NKAIN2: variants seen among roughly 807,000 people sequenced by gnomAD.
NKAIN2 encodes the protein sodium/potassium-transporting ATPase subunit beta-1-interacting protein 2.
NKAIN2 carries 14 observed loss-of-function variants against 32.6 expected under a neutral mutation model. The observed-to-expected ratio is 0.43, with a 90% CI of 0.28 to 0.67. NKAIN2 has a LOEUF of 0.67. Ranked by LOEUF, NKAIN2 falls within the 30% of genes least tolerant of loss-of-function variation. NKAIN2 has a pLI of 0.17. For synonymous variants in NKAIN2, 80 were observed against 87.2 expected, an observed-to-expected ratio of 0.92 and a Z score of 0.46; for missense variants, 198 against 258.3, an observed-to-expected ratio of 0.77 and a Z score of 1.60.
intron 2 of NKAIN2, among the ~76,000 whole-genome samples, chr6:124,287,841 T>TA (rs1795626159): frequency 6.6e-6 from 1 of 152,180 alleles, no homozygotes; most frequent in Non-Finnish European, 1.5e-5. Flanking sequence ...TTAGATTATC[T>TA]AAAATAATCT....
chr6:124,619,280 A>G (rs1416347646), intron 3 of NKAIN2, among the ~76,000 whole-genome samples: 1 of 152,190 alleles, frequency 6.6e-6, no homozygotes, highest in African/African-American at 2.4e-5. Context: ...TGGAAAAGGA[A>G]GTTTTCTATT....
chr6:124,230,817 G>T (rs867846161), intron 1 of NKAIN2, among the ~76,000 whole-genome samples: 1 of 152,012 alleles, frequency 6.6e-6, no homozygotes. Context: ...GCAGGGGCAG[G>T]GCTCTCATGG....
intron 1 of NKAIN2, chr6:123,828,867 G>A (rs1191600598): frequency 6.6e-6 from 1 of 152,124 alleles, no homozygotes; most frequent in Non-Finnish European, 1.5e-5. Context: ...CTTCTGGGAA[G>A]CTCTCCCTGA....
At chr6:123,882,732 G>A (rs1438019338) in intron 1 of NKAIN2, among the ~76,000 whole-genome samples, 1 of 152,128 alleles carries the variant, frequency 6.6e-6, no homozygotes, top group African/African-American at 2.4e-5. Context: ...CAAATTTGTA[G>A]TCCATTAATT....
intron 3 of NKAIN2, among the ~76,000 whole-genome samples, chr6:124,465,347 CT>C (rs1331093927): frequency 6.6e-6 from 1 of 151,978 alleles, no homozygotes; most frequent in East Asian, 1.9e-4. Context: ...ATGGATGAAG[CT>C]AGAAACCATC....
intron 3 of NKAIN2, among the ~76,000 whole-genome samples, chr6:124,475,121 T>C (rs1388146826): frequency 1.3e-5 from 2 of 151,906 alleles, no homozygotes; most frequent in Non-Finnish European, 2.9e-5. Context: ...TTGATGGATT[T>C]CTCAAGCCAT....
intron 1 of NKAIN2, among the ~76,000 whole-genome samples, chr6:123,834,091 T>G (rs551120687): frequency 6.6e-6 from 1 of 152,124 alleles, no homozygotes; most frequent in Non-Finnish European, 1.5e-5. Context: ...TGATTGACTT[T>G]GGTATATTAC....
chr6:123,999,429 T>C (rs552986799), intron 1 of NKAIN2, among the ~76,000 whole-genome samples: 9 of 152,298 alleles, frequency 5.9e-5, no homozygotes, highest in Non-Finnish European at 7.4e-5. Context: ...TGGCCTACTG[T>C]ATTGCTAATG....
At chr6:124,260,554 A>T (rs1294952207) in intron 1 of NKAIN2, among the ~76,000 whole-genome samples, 1 of 152,184 alleles carries the variant, frequency 6.6e-6, no homozygotes, top group Non-Finnish European at 1.5e-5. Flanking sequence ...ATCAGCAAGG[A>T]GACCTAGTGG....
chr6:124,369,654 C>T (rs1308917917), intron 3 of NKAIN2, among the ~76,000 whole-genome samples: 7 of 152,078 alleles, frequency 4.6e-5, no homozygotes, highest in Admixed American at 4.6e-4. Context: ...ATTGGGTACC[C>T]TGCCTTACAT....
intron 1 of NKAIN2, among the ~76,000 whole-genome samples, chr6:124,201,633 C>T (rs1007539702): frequency 2.6e-5 from 4 of 151,888 alleles, no homozygotes; most frequent in African/African-American, 9.7e-5. Context: ...CGTAATTACT[C>T]TCGTAATTAA....
At chr6:124,254,602 A>G (rs1389202207) in intron 1 of NKAIN2, among the ~76,000 whole-genome samples, 1 of 152,184 alleles carries the variant, frequency 6.6e-6, no homozygotes, top group Non-Finnish European at 1.5e-5. Flanking sequence ...ATTCAGCCCA[A>G]GATAATGATT....
At position 124,347,604 on chromosome 6, in the gene NKAIN2, C is replaced by T. The variant is rs1171108672; in HGVS notation, c.193-7663C>T. Reference sequence around the variant, plus strand: ...TTCATTTCATCTTCCGTCACTGATACCCTTTCTTCCAGTTGATCGCATCAG... The same window carrying T: ...TTCATTTCATCTTCCGTCACTGATATCCTTTCTTCCAGTTGATCGCATCAG... On this transcript the variant is annotated intron_variant, in intron 2 of 6. Transcript: ENST00000368417. Among the ~76,000 whole-genome samples the T allele has an allele frequency of 1.9e-4, 29 of 152,270 alleles. No homozygotes were observed. In the East Asian group the frequency reaches 5.6e-3, roughly 30 times the overall value.
At chr6:124,211,887 T>C (rs1257952690) in intron 1 of NKAIN2, among the ~76,000 whole-genome samples, 1 of 152,078 alleles carries the variant, frequency 6.6e-6, no homozygotes, top group Non-Finnish European at 1.5e-5. Flanking sequence ...CAAATAATGA[T>C]TGGATATATT....
chr6:124,643,178 C>A (rs1203792307), intron 3 of NKAIN2, among the ~76,000 whole-genome samples: 1 of 152,170 alleles, frequency 6.6e-6, no homozygotes, highest in Non-Finnish European at 1.5e-5. Context: ...TGATCAAAAA[C>A]CTTTCAATAA....
chr6:124,674,853 C>G (rs751358889), intron 4 of NKAIN2, among the ~76,000 whole-genome samples: 16 of 151,996 alleles, frequency 1.1e-4, no homozygotes, highest in Non-Finnish European at 1.9e-4. Flanking sequence ...ATTTCTTTCT[C>G]TTGCCTAATT....
At chr6:124,387,894 G>T (rs757827054) in intron 3 of NKAIN2, among the ~76,000 whole-genome samples, 1 of 152,064 alleles carries the variant, frequency 6.6e-6, no homozygotes, top group Non-Finnish European at 1.5e-5. Flanking sequence ...AATGGAAACA[G>T]CACTGTTCTA....
chr6:124,622,832 G>T (rs980489665), intron 3 of NKAIN2, among the ~76,000 whole-genome samples: 1 of 152,062 alleles, frequency 6.6e-6, no homozygotes, highest in Non-Finnish European at 1.5e-5. Flanking sequence ...CTGCCGCATC[G>T]CTCTGCTGTT....
chr6:123,870,874 A>G (rs1200891599), intron 1 of NKAIN2, among the ~76,000 whole-genome samples: 1 of 152,180 alleles, frequency 6.6e-6, no homozygotes. Flanking sequence ...TTGCTTTACT[A>G]AAGTTATATA....
Sources: gnomAD v4.1 joint callset for allele counts (sites outside exome capture counted in the v4.1 genomes callset) on GRCh38, gnomAD v4.1.1 for gene constraint, MANE v1.5 for transcripts, NCBI Gene and HGNC (gene_info 2026-07-23, HGNC 2026-07-21) for gene names.